EDC3: variants seen among roughly 807,000 people sequenced by gnomAD.
The protein encoded by EDC3 is enhancer of mRNA-decapping protein 3.
A neutral mutation model predicts 41.8 loss-of-function variants in EDC3; 20 were observed. The ratio of observed to expected loss-of-function variants is 0.48; its 90% CI spans 0.34 to 0.70. The LOEUF (loss-of-function observed/expected upper bound fraction) is 0.70. Ranked by LOEUF, EDC3 falls within the 30% of genes least tolerant of loss-of-function variation. EDC3 has a pLI of 0.01. For synonymous variants in EDC3, 206 were observed against 243.2 expected, an observed-to-expected ratio of 0.85 and a Z score of 1.42; for missense variants, 444 against 636.8, an observed-to-expected ratio of 0.70 and a Z score of 3.26.
intron 1 of EDC3, among the ~76,000 whole-genome samples, chr15:74,687,920 T>C (rs1488752127): frequency 6.6e-6 from 1 of 152,234 alleles, no homozygotes; most frequent in Non-Finnish European, 1.5e-5. Context: ...TTATTTAACA[T>C]ATATCTTTAA....
chr15:74,636,987 G>A (rs895494604), intron 5 of EDC3: 8 of 152,176 alleles, frequency 5.3e-5, no homozygotes, highest in African/African-American at 1.7e-4. Context: ...GGACCTATGT[G>A]GATTAGAGGC....
intron 1 of EDC3, chr15:74,695,280 A>C (rs1416079909): frequency 6.6e-6 from 1 of 152,216 alleles, no homozygotes; most frequent in Non-Finnish European, 1.5e-5. Context: ...GCCTCCCACA[A>C]ACCAAAACAC....
chr15:74,655,864 C>T lies in EDC3; in HGVS notation c.689G>A (p.Gly230Asp). ...ATTTGGGATGCCCCGGGAACGGGTA[C>T]CACTTCTCCTTTCATAGGTATCAAT... ...EEIDTYERRS[G>D]TRSRGIPNER... The change falls in exon 4 of 7, where the codon GGT becomes GAT. Residue 230 changes from glycine (G) to aspartate (D), a missense_variant. Physicochemically the swap from Gly to Asp is moderately conservative, Grantham distance 94. Around this residue, in one of 3 missense-constraint regions of EDC3, gnomAD observed 242 missense variants for 363.8 expected, o/e 0.67. Coordinates refer to ENST00000315127, the MANE Select transcript of EDC3 (RefSeq NM_025083.5). 1 of 1,614,058 alleles carries T rather than the reference C, an allele frequency of 6.2e-7. No homozygotes were observed. The highest frequency in any genetic ancestry group is 8.5e-7 in the Non-Finnish European group (1 of 1,180,016).
At chr15:74,673,738 G>T (rs180780581) in intron 2 of EDC3, among the ~76,000 whole-genome samples, 362 of 152,058 alleles carry the variant, frequency 2.4e-3, no homozygotes, top group Middle Eastern at 0.01. Context: ...TACTCGGGAG[G>T]CTGAGGCAGG....
intron 2 of EDC3, among the ~76,000 whole-genome samples, chr15:74,672,105 C>CAA (rs374500243): frequency 7.2e-6 from 1 of 138,978 alleles, no homozygotes; most frequent in Non-Finnish European, 1.6e-5. Flanking sequence ...ACTAAAAATA[C>CAA]AAAAAAAAAA....
At chr15:74,643,536 C>G (rs1389556101) in intron 4 of EDC3, 1 of 152,256 alleles carries the variant, frequency 6.6e-6, no homozygotes. Context: ...CTGAGGCTGT[C>G]TCTTCGGACC....
chr15:74,670,465 C>T (rs750984018), intron 3 of EDC3, among the ~76,000 whole-genome samples: 14 of 152,130 alleles, frequency 9.2e-5, no homozygotes, highest in African/African-American at 1.9e-4. Flanking sequence ...GACAGAGTCT[C>T]GCTCTATCGC....
intron 1 of EDC3, among the ~76,000 whole-genome samples, chr15:74,684,396 GT>G (rs2062911985): frequency 6.8e-6 from 1 of 146,292 alleles, no homozygotes; most frequent in Admixed American, 7.1e-5. Flanking sequence ...CAACTCCTGA[GT>G]TCAAGCTATC....
chr15:74,680,508 G>A (rs755674374), intron 1 of EDC3, among the ~76,000 whole-genome samples: 2 of 151,982 alleles, frequency 1.3e-5, no homozygotes, highest in Non-Finnish European at 2.9e-5. Flanking sequence ...TCATCAATCT[G>A]GTAAAGGGAT....
intron 4 of EDC3, chr15:74,644,922 T>TGTACTCCCTGATGTGAC (rs771310100): frequency 5.3e-5 from 8 of 152,116 alleles, no homozygotes; most frequent in African/African-American, 1.2e-4. Context: ...GGGGATACAA[T>TGTACTCCCTGATGTGAC]GTACTCCCTG....
intron 1 of EDC3, among the ~76,000 whole-genome samples, chr15:74,677,806 A>G (rs1424113620): frequency 6.6e-6 from 1 of 152,206 alleles, no homozygotes; most frequent in Non-Finnish European, 1.5e-5. Context: ...TGTTTACAGC[A>G]GCTTTATTCA....
rs544191594 is a variant in EDC3 at position 74,688,663 on chromosome 15, T to C, written c.-19+7217A>G. Among the ~76,000 whole-genome samples the C allele has an allele frequency of 1.2e-4, 19 of 152,242 alleles. No homozygotes were observed. In the South Asian group the frequency reaches 4.0e-3, roughly 32 times the overall value. On this transcript the variant is annotated intron_variant, in intron 1 of 6. Transcript: ENST00000315127. ...GCTCATGCCTGTAATCCCAGCACTT[T>C]GGGAGGCCACGGCGGGTGGATCACT...
At chr15:74,662,376 G>GT (rs1432195460) in intron 3 of EDC3, among the ~76,000 whole-genome samples, 1 of 151,372 alleles carries the variant, frequency 6.6e-6, no homozygotes, top group African/African-American at 2.4e-5. Context: ...CCAGTTCAGC[G>GT]TAAGTACACA....
intron 4 of EDC3, among the ~76,000 whole-genome samples, chr15:74,652,135 C>T (rs2062488032): frequency 6.6e-6 from 1 of 152,150 alleles, no homozygotes; most frequent in African/African-American, 2.4e-5. Context: ...TTCACATCAT[C>T]CTAGAATCAA....
chr15:74,689,283 CA>C (rs996181873), intron 1 of EDC3, among the ~76,000 whole-genome samples: 2 of 152,244 alleles, frequency 1.3e-5, no homozygotes, highest in African/African-American at 4.8e-5. Flanking sequence ...CTCATCTTGC[CA>C]AAACTTGGTA....
At position 74,632,153 on chromosome 15, in the gene EDC3, G is replaced by T; in HGVS notation, c.*459C>A. On this transcript the variant is annotated 3_prime_UTR_variant, in exon 7 of 7. Coordinates refer to ENST00000315127, the MANE Select transcript of EDC3 (RefSeq NM_025083.5). The surrounding 1 kb of genome is among the most constrained non-coding windows in gnomAD (Gnocchi z 4.0). ...GTCTGCCCTCTGGTGGACAGCTGCC[G>T]TGCAGCTGGTTCTACAGAGGAAGGG... 1 of 199,326 alleles carries T rather than the reference G, an allele frequency of 5.0e-6. No homozygotes were observed. Among genetic ancestry groups the T allele is most frequent in the South Asian group, 9.6e-5 (1 of 10,424 alleles). 12.3% of individuals were successfully genotyped at this position (199,326 alleles called of 1,614,324 possible).
chr15:74,685,797 T>C (rs2062930622), intron 1 of EDC3, among the ~76,000 whole-genome samples: 1 of 152,180 alleles, frequency 6.6e-6, no homozygotes, highest in Non-Finnish European at 1.5e-5. Flanking sequence ...ACTGGTTCAG[T>C]GTTTTTACAT....
chr15:74,677,291 G>A (rs2141661216), intron 1 of EDC3, among the ~76,000 whole-genome samples: 1 of 150,796 alleles, frequency 6.6e-6, no homozygotes, highest in African/African-American at 2.4e-5. Context: ...TTGAACTCCT[G>A]ACCTCATGAT....
chr15:74,689,012 C>G (rs749290095), intron 1 of EDC3, among the ~76,000 whole-genome samples: 3 of 151,944 alleles, frequency 2.0e-5, no homozygotes, highest in African/African-American at 4.8e-5. Context: ...AAGCATGCCT[C>G]AATGTATTTA....
Sources: gnomAD v4.1 joint callset for allele counts (sites outside exome capture counted in the v4.1 genomes callset) on GRCh38, gnomAD v4.1.1 for gene constraint, gnomAD v4.1.1 regional missense constraint, Gnocchi (gnomAD v3.1) non-coding constraint, MANE v1.5 for transcripts, NCBI Gene and HGNC (gene_info 2026-07-23, HGNC 2026-07-21) for gene names.